GUCY1A2: variants seen among roughly 807,000 people sequenced by gnomAD.
The protein encoded by GUCY1A2 is guanylate cyclase 1 soluble subunit alpha 2.
GUCY1A2 carries 27 observed loss-of-function variants against 63.5 expected under a neutral mutation model. The ratio of observed to expected loss-of-function variants is 0.43; its 90% CI spans 0.31 to 0.59. The LOEUF is 0.59. Among genes scored for constraint, GUCY1A2 ranks in the 20% least tolerant of loss-of-function variants. GUCY1A2 has a pLI of 0.11. For missense variants in GUCY1A2, 768 were observed against 913.3 expected, an observed-to-expected ratio of 0.84 and a Z score of 2.05; for synonymous variants, 364 against 343.5, an observed-to-expected ratio of 1.06 and a Z score of -0.66.
intron 7 of GUCY1A2, among the ~76,000 whole-genome samples, chr11:106,702,173 A>G (rs559561606): frequency 1.1e-4 from 16 of 152,336 alleles, no homozygotes; most frequent in African/African-American, 3.8e-4. Context: ...AAATGACAAT[A>G]TAAATAAATT....
chr11:106,986,149 T>C lies in GUCY1A2; in HGVS notation c.304-18A>G, dbSNP rs1565351606. On this transcript the variant is annotated intron_variant, in intron 1 of 7. Coordinates refer to ENST00000526355, the MANE Select transcript of GUCY1A2 (RefSeq NM_000855.3). The stretch of plus-strand genomic sequence containing the variant: ...GTCTGAGGCTACAGAATAATAATAA[T>C]AATAAAAACATATTATCAGCAAATC... The C allele has an allele frequency of 1.6e-6, 2 of 1,270,724 alleles. No individual in the cohort carries two copies. The highest frequency in any genetic ancestry group is 1.7e-5 in the Admixed American group (1 of 59,494). The allele number at this position is 1,270,724 out of a possible 1,614,324, so 78.7% of individuals were successfully genotyped here. A position where few individuals can be genotyped will look rare whatever the true frequency, so the allele number is the denominator to read the frequency against.
At chr11:106,997,100 T>C (rs957588798) in intron 1 of GUCY1A2, among the ~76,000 whole-genome samples, 10 of 152,210 alleles carry the variant, frequency 6.6e-5, no homozygotes, top group Non-Finnish European at 2.9e-5. Context: ...TTTTTTAAAC[T>C]AGCTATCACT....
At chr11:106,713,496 CTTTTTTTT>C (rs143909145) in intron 6 of GUCY1A2, among the ~76,000 whole-genome samples, 9 of 78,354 alleles carry the variant, frequency 1.1e-4, no homozygotes, top group African/African-American at 4.4e-4. Context: ...TAGTATGTTT[CTTTTTTTT>C]TTTTTTTTTT....
intron 5 of GUCY1A2, among the ~76,000 whole-genome samples, chr11:106,784,825 G>A (rs921630056): frequency 1.9e-4 from 26 of 138,760 alleles, no homozygotes; most frequent in African/African-American, 5.6e-4. Flanking sequence ...CTGGAGCTCC[G>A]TACTTGTCCT....
At chr11:106,910,288 C>A (rs1860274988) in intron 4 of GUCY1A2, among the ~76,000 whole-genome samples, 1 of 151,876 alleles carries the variant, frequency 6.6e-6, no homozygotes, top group African/African-American at 2.4e-5. Context: ...TATTATATTT[C>A]AAAATGCATG....
chr11:106,750,179 G>A (rs1034483867), intron 6 of GUCY1A2, among the ~76,000 whole-genome samples: 1 of 152,120 alleles, frequency 6.6e-6, no homozygotes, highest in Non-Finnish European at 1.5e-5. Flanking sequence ...TGAACATGGA[G>A]TCTGGTATCT....
chr11:106,730,738 G>A lies in GUCY1A2; in HGVS notation c.1837-22072C>T, dbSNP rs868573616. ...ACTAATTTACATTCCCATCAACAGT[G>A]TATAAGCATTCGTTTTTCTCCACAA... On this transcript the variant is annotated intron_variant, in intron 6 of 7. Coordinates refer to ENST00000526355, the MANE Select transcript of GUCY1A2 (RefSeq NM_000855.3). 1.2e-4 allele frequency among the ~76,000 whole-genome samples: 19 copies of A among 152,210 alleles called. No homozygotes were observed. The South Asian group carries it at 3.7e-3, about 30-fold the overall frequency.
chr11:106,774,016 T>G (rs1864306216), intron 6 of GUCY1A2, among the ~76,000 whole-genome samples: 1 of 152,216 alleles, frequency 6.6e-6, no homozygotes, highest in African/African-American at 2.4e-5. Context: ...AAAAATTGAT[T>G]TATATAAAGA....
chr11:106,731,654 A>G, intron 6 of GUCY1A2, among the ~76,000 whole-genome samples: 1 of 152,298 alleles, frequency 6.6e-6, no homozygotes, highest in East Asian at 1.9e-4. Flanking sequence ...CTCTACCCTA[A>G]AACTCCTTGA....
chr11:106,703,733 T>G (rs539630475), intron 7 of GUCY1A2, among the ~76,000 whole-genome samples: 23 of 151,992 alleles, frequency 1.5e-4, no homozygotes, highest in African/African-American at 5.6e-4. Context: ...CAGTAAGTAA[T>G]TAATCTAATT....
chr11:106,800,829 T>A (rs909844142), intron 5 of GUCY1A2, among the ~76,000 whole-genome samples: 3 of 151,802 alleles, frequency 2.0e-5, no homozygotes, highest in African/African-American at 7.3e-5. Context: ...ATGGCATGTA[T>A]ATACATATGT....
intron 2 of GUCY1A2, among the ~76,000 whole-genome samples, chr11:106,983,155 C>T (rs1381068076): frequency 2.6e-5 from 4 of 151,786 alleles, no homozygotes; most frequent in African/African-American, 9.7e-5. Flanking sequence ...TACATATTGG[C>T]GGACAAAAGT....
chr11:106,876,486 G>A (rs897542916), intron 4 of GUCY1A2, among the ~76,000 whole-genome samples: 4 of 152,012 alleles, frequency 2.6e-5, no homozygotes, highest in African/African-American at 4.8e-5. Context: ...AACTATGCAA[G>A]GTACCACATC....
intron 7 of GUCY1A2, among the ~76,000 whole-genome samples, chr11:106,688,485 A>G (rs529043953): frequency 1.3e-5 from 2 of 152,320 alleles, no homozygotes; most frequent in South Asian, 4.1e-4. Flanking sequence ...CAACAATTCA[A>G]TTTAATTCAA....
intron 3 of GUCY1A2, among the ~76,000 whole-genome samples, chr11:106,951,040 C>T (rs1246322717): frequency 1.3e-5 from 2 of 152,162 alleles, no homozygotes; most frequent in African/African-American, 4.8e-5. Flanking sequence ...TGGCTTCCAG[C>T]TTCATCCATG....
At position 106,686,891 on chromosome 11, in the gene GUCY1A2, CTAAA is replaced by C. The variant is rs908835217; in HGVS notation, c.*654_*657del. On this transcript the variant is annotated 3_prime_UTR_variant, in exon 8 of 8. Coordinates refer to ENST00000526355, the MANE Select transcript of GUCY1A2 (RefSeq NM_000855.3). Reference sequence around the variant, plus strand: ...ATTCTCAGTCGAAGCACTGATCTCTCTAAATAAGGGAAACTATATTAGATTAATA... The same window carrying C: ...ATTCTCAGTCGAAGCACTGATCTCTCTAAGGGAAACTATATTAGATTAATA... 3 of 196,618 alleles carry C rather than the reference CTAAA, an allele frequency of 1.5e-5. No homozygotes were observed. The highest frequency in any genetic ancestry group is 4.6e-5 in the African/African-American group (2 of 43,296). The allele number at this position is 196,618 out of a possible 1,614,324, so 12.2% of individuals were successfully genotyped here.
At position 106,853,516 on chromosome 11, in the gene GUCY1A2, T is replaced by A. The variant is rs542392527; in HGVS notation, c.1207-43038A>T. 8.5e-5 allele frequency among the ~76,000 whole-genome samples: 13 copies of A among 152,248 alleles called. No homozygotes were observed. The South Asian group carries it at 2.7e-3, about 32-fold the overall frequency. On this transcript the variant is annotated intron_variant, in intron 4 of 7. Coordinates refer to ENST00000526355, the MANE Select transcript of GUCY1A2 (RefSeq NM_000855.3). ...AATTTCTGTTTGGTTCTTTCTTACA[T>A]CTATGTCAAATTTCTCATTCAGGCC... is the stretch of plus-strand genomic sequence containing the variant.
chr11:106,681,090 T>C lies in GUCY1A2; in HGVS notation c.*6459A>G, dbSNP rs1862424442. Reference sequence around the variant, plus strand: ...TATTTTAAGTAGACTAAAAACATGATTTTTTCATTTCGAAATCTGAAAGCT... The same window carrying C: ...TATTTTAAGTAGACTAAAAACATGACTTTTTCATTTCGAAATCTGAAAGCT... On this transcript the variant is annotated 3_prime_UTR_variant, in exon 8 of 8. Transcript: ENST00000526355. 1 of 209,228 alleles carries C rather than the reference T, an allele frequency of 4.8e-6. No homozygotes were observed. Among genetic ancestry groups the C allele is most frequent in the Non-Finnish European group, 9.7e-6 (1 of 102,760 alleles). The allele number at this position is 209,228 out of a possible 1,614,324, so 13.0% of individuals were successfully genotyped here. A position where few individuals can be genotyped will look rare whatever the true frequency, so the allele number is the denominator to read the frequency against.
intron 6 of GUCY1A2, among the ~76,000 whole-genome samples, chr11:106,764,501 T>C (rs886512428): frequency 4.6e-5 from 7 of 152,118 alleles, no homozygotes; most frequent in African/African-American, 1.7e-4. Flanking sequence ...CATTTATAAA[T>C]AGAGATAACA....
Sources: allele counts gnomAD v4.1 joint callset (sites outside exome capture counted in the v4.1 genomes callset), GRCh38; gene constraint gnomAD v4.1.1; transcripts MANE v1.5; gene names NCBI Gene and HGNC (gene_info 2026-07-23, HGNC 2026-07-21).